The following LRBA variants were observed in gnomAD, a reference collection of about 807,000 sequenced individuals.
LRBA encodes lipopolysaccharide-responsive and beige-like anchor protein.
Under a neutral mutation model 330.0 loss-of-function variants are expected in LRBA, and 176 were observed. The observed-to-expected ratio is 0.53, with a 90% CI of 0.47 to 0.60. The LOEUF is 0.60. LRBA is among the 20% of genes least tolerant of loss of function. The pLI is 0.00. For missense variants in LRBA, 3,259 were observed against 3,444.8 expected, an observed-to-expected ratio of 0.95 and a Z score of 1.35; for synonymous variants, 1,230 against 1,193.0, an observed-to-expected ratio of 1.03 and a Z score of -0.64.
intron 2 of LRBA, among the ~76,000 whole-genome samples, chr4:150,963,766 T>C (rs1411330084): frequency 6.8e-6 from 1 of 147,402 alleles, no homozygotes; most frequent in Non-Finnish European, 1.5e-5. Context: ...CCGCCCATCG[T>C]CTGGGATGTG....
At chr4:150,984,747 A>G (rs1424582745) in intron 2 of LRBA, among the ~76,000 whole-genome samples, 1 of 152,218 alleles carries the variant, frequency 6.6e-6, no homozygotes, top group African/African-American at 2.4e-5. Flanking sequence ...GAGACAGACA[A>G]ACAGAGACGC....
intron 44 of LRBA, among the ~76,000 whole-genome samples, chr4:150,456,641 T>C (rs1235403445): frequency 1.3e-5 from 2 of 152,136 alleles, no homozygotes; most frequent in Non-Finnish European, 2.9e-5. Flanking sequence ...TTCAGTTTTT[T>C]ATTGTTTCCT....
Position 150,852,049 on chromosome 4 carries a change from C to T in LRBA, c.3661G>A (p.Glu1221Lys). Reference sequence around the variant, plus strand: ...TGACAATCATTAATTAATTTGGTTTCTCTAGTGAGGTTAGTTGCTTTCTTC... The same window carrying T: ...TGACAATCATTAATTAATTTGGTTTTTCTAGTGAGGTTAGTTGCTTTCTTC... ...EGKKATNLTR[E>K]TKLINDCHGS... The change falls in exon 23 of 57, where the codon GAA becomes AAA. Residue 1221 changes from glutamate to lysine, a missense_variant. Transcript: ENST00000651943. The T allele has an allele frequency of 6.2e-7, 1 of 1,614,118 alleles. No homozygotes were observed. Among genetic ancestry groups the T allele is most frequent in the Non-Finnish European group, 8.5e-7 (1 of 1,179,986 alleles).
intron 20 of LRBA, 46 bp from the exon 21 acceptor site, chr4:150,868,351 A>G (rs1753000750): frequency 7.0e-7 from 1 of 1,433,076 alleles, no homozygotes; most frequent in Non-Finnish European, 9.5e-7. Context: ...TCAACAAAAA[A>G]CTCATGATAG....
intron 29 of LRBA, among the ~76,000 whole-genome samples, chr4:150,828,900 A>G (rs1746684517): frequency 6.6e-6 from 1 of 150,444 alleles, no homozygotes; most frequent in African/African-American, 2.5e-5. Context: ...CCTGTAAGAA[A>G]AAGTCTATAA....
chr4:150,526,410 T>A (rs192192945), intron 40 of LRBA, among the ~76,000 whole-genome samples: 4 of 152,330 alleles, frequency 2.6e-5, no homozygotes, highest in African/African-American at 9.6e-5. Context: ...ACCTCCTCTA[T>A]AATATGCTCA....
intron 35 of LRBA, among the ~76,000 whole-genome samples, chr4:150,749,541 A>G (rs535952295): frequency 1.4e-4 from 22 of 152,170 alleles, no homozygotes; most frequent in Non-Finnish European, 3.1e-4. Flanking sequence ...GGGCTGCTTG[A>G]GCCCAGGAGC....
At chr4:150,504,913 A>AG (rs1242819821) in intron 40 of LRBA, among the ~76,000 whole-genome samples, 1 of 152,216 alleles carries the variant, frequency 6.6e-6, no homozygotes, top group Non-Finnish European at 1.5e-5. Flanking sequence ...AAAAAAAGGC[A>AG]GGGGTTGCAA....
chr4:150,471,884 C>G (rs867695106), intron 42 of LRBA, 145 bp from the exon 43 acceptor site: 3 of 581,318 alleles, frequency 5.2e-6, no homozygotes, highest in South Asian at 2.1e-5. Context: ...AGGTTTCAAT[C>G]TACAATTCAT....
intron 47 of LRBA, among the ~76,000 whole-genome samples, chr4:150,405,209 G>T (rs1746018980): frequency 6.6e-6 from 1 of 152,206 alleles, no homozygotes; most frequent in Admixed American, 6.5e-5. Context: ...GTCATTTTAA[G>T]TGAGGAACAA....
intron 44 of LRBA, among the ~76,000 whole-genome samples, chr4:150,444,611 A>AG (rs1429387473): frequency 6.6e-6 from 1 of 152,192 alleles, no homozygotes; most frequent in African/African-American, 2.4e-5. Context: ...ACTGTCAAGA[A>AG]AAAAATTTCA....
At position 150,639,815 on chromosome 4, in the gene LRBA, GTGTGTATATATATATATA is replaced by G. The variant is rs1359839182; in HGVS notation, c.5922-40702_5922-40685del. On this transcript the variant is annotated intron_variant, in intron 37 of 56. Coordinates refer to ENST00000651943, the MANE Select transcript of LRBA (RefSeq NM_001364905.1). ...TGTATATATATATATATGTGTGTGTGTGTGTATATATATATATATATATATATATATATATATATATAT... is the reference window on the plus strand; with the variant it reads ...TGTATATATATATATATGTGTGTGTGTATATATATATATATATATATATAT... Among the ~76,000 whole-genome samples, 17 of 4,892 alleles carry G rather than the reference GTGTGTATATATATATATA, an allele frequency of 3.5e-3. 2 individuals are homozygous for G. Among genetic ancestry groups the G allele is most frequent in the African/African-American group, 7.1e-3 (17 of 2,398 alleles). The allele number at this position is 4,892 out of a possible 152,430, so 3.2% of individuals were successfully genotyped here. A position where few individuals can be genotyped will look rare whatever the true frequency, so the allele number is the denominator to read the frequency against.
intron 28 of LRBA, chr4:150,840,861 G>A (rs558667012): frequency 1.1e-6 from 1 of 936,742 alleles, no homozygotes; most frequent in South Asian, 2.4e-5. Context: ...CCTGTAAATA[G>A]AAACTAATGG....
intron 47 of LRBA, among the ~76,000 whole-genome samples, chr4:150,375,638 A>ATTTT (rs1741197887): frequency 8.9e-6 from 1 of 112,806 alleles, no homozygotes; most frequent in Non-Finnish European, 2.2e-5. Flanking sequence ...TTTTTTTTTG[A>ATTTT]ATTTTTAGTA....
chr4:151,014,456 T>C lies in LRBA; in HGVS notation c.187A>G (p.Arg63Gly). The change falls in exon 2 of 57, where the codon AGG (arginine) becomes GGG (glycine). Residue 63 changes from arginine (R) to glycine (G), a missense_variant. Arg to Gly is a moderately radical substitution (Grantham distance 125). Coordinates refer to ENST00000651943, the MANE Select transcript of LRBA (RefSeq NM_001364905.1). ...GLVEVGEVSN[R>G]DIVETVFNLL... ...TTAAAGACAGTTTCTACAATATCCC[T>C]ATTGGATACTTCTCCAACTTCAACC... 1.9e-6 allele frequency: 3 copies of C among 1,614,164 alleles called. No individual in the cohort carries two copies. The highest frequency in any genetic ancestry group is 1.3e-5 in the African/African-American group (1 of 75,076).
chr4:150,866,236 C>T (rs1560935168), intron 22 of LRBA, among the ~76,000 whole-genome samples: 1 of 152,068 alleles, frequency 6.6e-6, no homozygotes, highest in Non-Finnish European at 1.5e-5. Flanking sequence ...GTAAATGAAA[C>T]TAATAGATTT....
Position 150,611,576 on chromosome 4 carries a change from CATTT to C in LRBA, c.5922-12449_5922-12446del, listed in dbSNP as rs985031524. Among the ~76,000 whole-genome samples, 19 of 152,242 alleles carry C rather than the reference CATTT, an allele frequency of 1.2e-4. 1 individual carries two copies. The highest frequency in any genetic ancestry group is 1.0e-3 in the South Asian group (5 of 4,814). Reference sequence around the variant, plus strand: ...AATTATATGAAAACCTATCAACACACATTTCAATAAAGAATAACTAGAAAATTCA... The same window carrying C: ...AATTATATGAAAACCTATCAACACACCAATAAAGAATAACTAGAAAATTCA... On this transcript the variant is annotated intron_variant, in intron 37 of 56. Transcript: ENST00000651943.
At chr4:150,721,719 A>G (rs898672977) in intron 36 of LRBA, among the ~76,000 whole-genome samples, 2 of 152,074 alleles carry the variant, frequency 1.3e-5, no homozygotes, top group African/African-American at 4.8e-5. Flanking sequence ...GATTCAAGCG[A>G]TTCCCATTAC....
chr4:150,489,485 T>C (rs1405828964), intron 41 of LRBA, among the ~76,000 whole-genome samples: 5 of 89,530 alleles, frequency 5.6e-5, no homozygotes, highest in African/African-American at 2.1e-4. Flanking sequence ...TATATAAGAA[T>C]ATATAATATA....
Sources: gnomAD v4.1 joint callset for allele counts (sites outside exome capture counted in the v4.1 genomes callset) on GRCh38, gnomAD v4.1.1 for gene constraint, MANE v1.5 for transcripts, NCBI Gene and HGNC (gene_info 2026-07-23, HGNC 2026-07-21) for gene names.